RBMS3: variants seen among roughly 807,000 people sequenced by gnomAD.
RBMS3 encodes the protein RNA-binding motif, single-stranded-interacting protein 3.
A neutral mutation model predicts 66.8 loss-of-function variants in RBMS3; 27 were observed. That is an observed-to-expected ratio of 0.40 (90% confidence interval 0.30 to 0.56). The LOEUF (loss-of-function observed/expected upper bound fraction) is 0.56. Among genes scored for constraint, RBMS3 ranks in the 20% least tolerant of loss-of-function variants. The pLI is 0.40. For synonymous variants in RBMS3, 188 were observed against 183.0 expected, an observed-to-expected ratio of 1.03 and a Z score of -0.22; for missense variants, 513 against 549.5, an observed-to-expected ratio of 0.93 and a Z score of 0.66.
chr3:29,661,108 C>T (rs1053025207), intron 4 of RBMS3, among the ~76,000 whole-genome samples: 2 of 152,180 alleles, frequency 1.3e-5, no homozygotes, highest in Admixed American at 1.3e-4. Flanking sequence ...TGGGTAGCTG[C>T]TATTGAGTAT....
intron 4 of RBMS3, among the ~76,000 whole-genome samples, chr3:29,695,956 C>T (rs993880613): frequency 6.6e-6 from 1 of 152,194 alleles, no homozygotes; most frequent in Non-Finnish European, 1.5e-5. Flanking sequence ...GGCCAAGGGA[C>T]AAAGGGTAAG....
At chr3:29,474,596 T>G (rs942328749) in intron 2 of RBMS3, among the ~76,000 whole-genome samples, 1 of 152,358 alleles carries the variant, frequency 6.6e-6, no homozygotes, top group Middle Eastern at 3.4e-3. Context: ...TTTTGTGTGA[T>G]GACTGGGTGA....
At chr3:29,300,774 A>G (rs1379315798) in intron 1 of RBMS3, among the ~76,000 whole-genome samples, 1 of 151,992 alleles carries the variant, frequency 6.6e-6, no homozygotes, top group Non-Finnish European at 1.5e-5. Context: ...TTAAGAGGAA[A>G]CCAAGCAAAG....
In RBMS3 at chr3:29,541,473, C is replaced by T. The variant is rs74645619; in HGVS notation, c.308-45641C>T. On this transcript the variant is annotated intron_variant, in intron 3 of 14. Coordinates refer to ENST00000383767, the MANE Select transcript of RBMS3 (RefSeq NM_001003793.3). ...GCCCTTCCCACCACAGTATAGCAAA[C>T]AACAAAGCCCACTGGTCTTAATTTC... Among the ~76,000 whole-genome samples, 392 of 152,172 alleles carry T rather than the reference C, an allele frequency of 2.6e-3. 2 individuals carry two copies. The highest frequency in any genetic ancestry group is 8.5e-3 in the African/African-American group (353 of 41,512).
chr3:29,974,256 C>T (rs1030808060), intron 12 of RBMS3, among the ~76,000 whole-genome samples: 1 of 151,950 alleles, frequency 6.6e-6, no homozygotes, highest in African/African-American at 2.4e-5. Context: ...AAGCCCACCA[C>T]CTTTCATTTT....
At chr3:29,487,601 A>C (rs2043371791) in intron 2 of RBMS3, among the ~76,000 whole-genome samples, 3 of 152,074 alleles carry the variant, frequency 2.0e-5, no homozygotes, top group Admixed American at 2.0e-4. Context: ...TAGCAGGGAG[A>C]GCATCATTGG....
intron 4 of RBMS3, among the ~76,000 whole-genome samples, chr3:29,724,064 T>G (rs1186769238): frequency 6.6e-6 from 1 of 152,036 alleles, no homozygotes; most frequent in Non-Finnish European, 1.5e-5. Flanking sequence ...ATCATTAATC[T>G]TTGTCGCTCA....
chr3:29,366,844 T>C (rs2037936443), intron 1 of RBMS3, among the ~76,000 whole-genome samples: 1 of 152,310 alleles, frequency 6.6e-6, no homozygotes, highest in Non-Finnish European at 1.5e-5. Context: ...TTTTGATGAC[T>C]TTTTTGCCAT....
chr3:29,396,672 A>G (rs2039564343), intron 1 of RBMS3, among the ~76,000 whole-genome samples: 1 of 152,184 alleles, frequency 6.6e-6, no homozygotes, highest in South Asian at 2.1e-4. Context: ...ATTTTATTAA[A>G]GTAAATAGGG....
chr3:29,967,180 G>T (rs1472215003), intron 12 of RBMS3, among the ~76,000 whole-genome samples: 1 of 152,198 alleles, frequency 6.6e-6, no homozygotes, highest in East Asian at 1.9e-4. Flanking sequence ...TCCTGGTTTT[G>T]GTATTAGCGG....
At position 29,937,860 on chromosome 3, in the gene RBMS3, G is replaced by A. The variant is rs1386498275; in HGVS notation, c.1050+1664G>A. 1.3e-5 allele frequency among the ~76,000 whole-genome samples: 2 copies of A among 151,878 alleles called. 1 individual carries two copies. The highest frequency in any genetic ancestry group is 2.9e-5 in the Non-Finnish European group (2 of 67,906). On this transcript the variant is annotated intron_variant, in intron 11 of 14. Transcript: ENST00000383767. ...TAGGAATAGTATCAGAAGGCCTGCA[G>A]TTTCTTATTTTTATTAATATATTGT...
At chr3:29,746,738 C>T (rs1334805779) in intron 5 of RBMS3, among the ~76,000 whole-genome samples, 3 of 152,108 alleles carry the variant, frequency 2.0e-5, no homozygotes, top group Non-Finnish European at 4.4e-5. Context: ...ACCAACCAAA[C>T]AAATAAATTG....
chr3:29,459,050 T>C (rs921463650), intron 2 of RBMS3, among the ~76,000 whole-genome samples: 3 of 152,174 alleles, frequency 2.0e-5, no homozygotes, highest in Non-Finnish European at 4.4e-5. Flanking sequence ...CTTGGGAAGG[T>C]TAATCTGACT....
intron 3 of RBMS3, among the ~76,000 whole-genome samples, chr3:29,582,785 C>A (rs1221877968): frequency 6.6e-6 from 1 of 152,094 alleles, no homozygotes; most frequent in Admixed American, 6.6e-5. Context: ...TCTTTAGGGG[C>A]AGTCTCCTAT....
At chr3:29,782,033 CTGG>C (rs1020379849) in intron 6 of RBMS3, among the ~76,000 whole-genome samples, 5 of 151,936 alleles carry the variant, frequency 3.3e-5, no homozygotes, top group Admixed American at 2.0e-4. Context: ...TGCCCCCCAC[CTGG>C]TGGTCTTTCT....
At chr3:29,876,057 C>G (rs1203584773) in intron 7 of RBMS3, among the ~76,000 whole-genome samples, 1 of 152,152 alleles carries the variant, frequency 6.6e-6, no homozygotes, top group African/African-American at 2.4e-5. Context: ...AAGGATAAAT[C>G]CCCTGCATGT....
At chr3:29,990,847 C>T (rs1698813671) in intron 13 of RBMS3, among the ~76,000 whole-genome samples, 1 of 152,046 alleles carries the variant, frequency 6.6e-6, no homozygotes, top group South Asian at 2.1e-4. Context: ...ATTTTCTGAC[C>T]ACTTAACTAC....
At chr3:29,981,396 C>T (rs1330939261) in intron 12 of RBMS3, among the ~76,000 whole-genome samples, 2 of 152,176 alleles carry the variant, frequency 1.3e-5, no homozygotes, top group Non-Finnish European at 2.9e-5. Context: ...TGGACTTCCT[C>T]TCTTCCTATT....
chr3:29,529,569 A>G (rs79449081), intron 3 of RBMS3, among the ~76,000 whole-genome samples: 2,397 of 152,272 alleles, frequency 0.016, 26 homozygotes, highest in Admixed American at 0.035. Flanking sequence ...TCAGATATAC[A>G]TAGAGTATAT....
Sources: allele counts gnomAD v4.1 joint callset (sites outside exome capture counted in the v4.1 genomes callset), GRCh38; gene constraint gnomAD v4.1.1; transcripts MANE v1.5; gene names NCBI Gene and HGNC (gene_info 2026-07-23, HGNC 2026-07-21).